The following BUB1B variants were observed in gnomAD, a reference collection of about 807,000 sequenced individuals.
The protein encoded by BUB1B is mitotic checkpoint serine/threonine-protein kinase BUB1 beta.
A neutral mutation model predicts 137.7 loss-of-function variants in BUB1B; 86 were observed. That is an observed-to-expected ratio of 0.62 (90% CI 0.52 to 0.75). BUB1B has a LOEUF of 0.75. Ranked by LOEUF, BUB1B falls within the 30% of genes least tolerant of loss-of-function variation. The probability of loss-of-function intolerance (pLI) is 0.00; values close to 1 mark genes in which losing one functional copy is unlikely to be tolerated. For missense variants in BUB1B, 1,130 were observed against 1,236.9 expected (o/e 0.91, Z 1.30); for synonymous variants, 420 against 417.9 (o/e 1.00, Z -0.06).
intron 2 of BUB1B, chr15:40,166,541 C>T (rs943871729): frequency 3.0e-5 from 8 of 267,384 alleles, no homozygotes; most frequent in African/African-American, 9.4e-5. Flanking sequence ...GGGGTTTCAC[C>T]GTGTTAGCCA....
In BUB1B at chr15:40,183,793, G is replaced by T; in HGVS notation, c.661G>T (p.Val221Leu). ...EEEEEVFESS[V>L]PQRSTLAELK... ...AGAGGAGGAAGTTTTTGAGTCTTCT[G>T]TACCACAACGAAGCACACTAGCTGA... Residue 221 changes from valine to leucine, a missense_variant, in exon 6 of 23, where the codon GTA becomes TTA. By Grantham distance (32) the Val-to-Leu change is conservative. Coordinates refer to ENST00000287598, the MANE Select transcript of BUB1B (RefSeq NM_001211.6). 6.2e-7 allele frequency: 1 copy of T among 1,614,072 alleles called. No individual in the cohort carries two copies.
intron 1 of BUB1B, among the ~76,000 whole-genome samples, chr15:40,164,690 G>A (rs1485902275): frequency 7.0e-6 from 1 of 143,178 alleles, no homozygotes; most frequent in African/African-American, 2.6e-5. Context: ...AAAGAAAGAG[G>A]CAGGGTCTTG....
At position 40,185,612 on chromosome 15, in the gene BUB1B, A is replaced by T. The variant is rs190909040; in HGVS notation, c.1028A>T (p.Tyr343Phe). 6.2e-7 allele frequency: 1 copy of T among 1,614,050 alleles called. No individual in the cohort carries two copies. The highest frequency in any genetic ancestry group is 2.2e-5 in the East Asian group (1 of 44,884). The change falls in exon 8 of 23, where the codon TAT (tyrosine) becomes TTT (phenylalanine). Residue 343 changes from tyrosine to phenylalanine, a missense_variant. Tyr to Phe is a conservative substitution (Grantham distance 22). Coordinates refer to ENST00000287598, the MANE Select transcript of BUB1B (RefSeq NM_001211.6). Reference protein sequence around the residue: ...VPAVLPSFTPYVEETARQPVM... With the variant: ...VPAVLPSFTPFVEETARQPVM... ...GCTGTGCTTCCCAGTTTCACTCCAT[A>T]TGTGGAAGAGACTGCACGACAGCCA...
intron 18 of BUB1B, among the ~76,000 whole-genome samples, chr15:40,211,129 C>A (rs1336816073): frequency 1.3e-5 from 2 of 152,024 alleles, no homozygotes; most frequent in African/African-American, 4.8e-5. Context: ...CTCCTATATT[C>A]TCTCTTTGTC....
intron 8 of BUB1B, among the ~76,000 whole-genome samples, chr15:40,192,613 G>A (rs2037450791): frequency 6.6e-6 from 1 of 151,828 alleles, no homozygotes; most frequent in Non-Finnish European, 1.5e-5. Context: ...TTATAGTTCT[G>A]CCCTTTCCAG....
chr15:40,184,382 G>C (rs1330998176), intron 6 of BUB1B, among the ~76,000 whole-genome samples: 2 of 151,282 alleles, frequency 1.3e-5, no homozygotes, highest in Non-Finnish European at 1.5e-5. Flanking sequence ...ATAGCTCACC[G>C]CAGCTTCAAA....
At chr15:40,209,980 T>G in intron 17 of BUB1B, 130 bp from the exon 18 acceptor site, 8 of 983,018 alleles carry the variant, frequency 8.1e-6, no homozygotes, top group Non-Finnish European at 1.2e-5. Flanking sequence ...ACAAATTATT[T>G]TTAAAAGTAT....
intron 8 of BUB1B, among the ~76,000 whole-genome samples, chr15:40,187,867 A>C (rs1176135950): frequency 2.6e-5 from 4 of 152,114 alleles, no homozygotes; most frequent in Admixed American, 2.6e-4. Flanking sequence ...GCACCACTGC[A>C]CTCTAGCCTG....
chr15:40,196,839 T>A, intron 9 of BUB1B, 65 bp downstream of exon 9: 1 of 1,446,980 alleles, frequency 6.9e-7, no homozygotes, highest in Non-Finnish European at 9.7e-7. Flanking sequence ...GCTGACCTAT[T>A]AAGTCTGAAG....
At chr15:40,193,148 C>G (rs539446981) in intron 8 of BUB1B, among the ~76,000 whole-genome samples, 7 of 152,334 alleles carry the variant, frequency 4.6e-5, no homozygotes, top group Non-Finnish European at 8.8e-5. Flanking sequence ...CCACACCCAG[C>G]CAGGTTTTGG....
chr15:40,169,148 G>T (rs1469038626), intron 2 of BUB1B, among the ~76,000 whole-genome samples: 2 of 151,880 alleles, frequency 1.3e-5, no homozygotes, highest in Non-Finnish European at 2.9e-5. Context: ...ATTCTAACTG[G>T]TCAGTCTTAA....
At chr15:40,197,907 A>G (rs1397758234) in intron 9 of BUB1B, among the ~76,000 whole-genome samples, 2 of 152,212 alleles carry the variant, frequency 1.3e-5, no homozygotes, top group East Asian at 1.9e-4. Context: ...GAAATAGGCT[A>G]GGAGGGTGGC....
At chr15:40,219,526 T>G (rs1204363907) in intron 22 of BUB1B, among the ~76,000 whole-genome samples, 2 of 152,104 alleles carry the variant, frequency 1.3e-5, no homozygotes, top group African/African-American at 4.8e-5. Flanking sequence ...GAGAGCAGCC[T>G]GGGCAACATG....
intron 9 of BUB1B, among the ~76,000 whole-genome samples, 165 bp from the exon 10 acceptor site, chr15:40,199,450 G>A (rs999956482): frequency 1.3e-5 from 2 of 152,126 alleles, no homozygotes; most frequent in African/African-American, 4.8e-5. Context: ...TTATTGAATG[G>A]ATAAAGAATA....
At chr15:40,173,295 TAAAAAAA>T (rs61078619) in intron 4 of BUB1B, among the ~76,000 whole-genome samples, 1 of 85,898 alleles carries the variant, frequency 1.2e-5, no homozygotes, top group African/African-American at 3.7e-5. Context: ...GAAAAAAAGA[TAAAAAAA>T]AAAAAAAAAA....
intron 5 of BUB1B, among the ~76,000 whole-genome samples, chr15:40,180,251 C>CTTTTTTTTTTT (rs34300396): frequency 4.9e-4 from 44 of 90,506 alleles, no homozygotes; most frequent in African/African-American, 1.7e-3. Flanking sequence ...CGTTTCGTTT[C>CTTTTTTTTTTT]TTTTTTTTTT....
intron 5 of BUB1B, among the ~76,000 whole-genome samples, chr15:40,181,788 A>T (rs1019192994): frequency 6.6e-6 from 1 of 152,188 alleles, no homozygotes; most frequent in East Asian, 1.9e-4. Flanking sequence ...GTATTTTTCA[A>T]TTCTAAAATT....
At chr15:40,208,557 T>C in intron 15 of BUB1B, 80 bp from the exon 16 acceptor site, 1 of 1,389,094 alleles carries the variant, frequency 7.2e-7, no homozygotes. Context: ...GAAAAATGTA[T>C]ACATTAAGAA....
At chr15:40,181,316 C>T (rs1417007463) in intron 5 of BUB1B, among the ~76,000 whole-genome samples, 1 of 151,990 alleles carries the variant, frequency 6.6e-6, no homozygotes, top group Non-Finnish European at 1.5e-5. Context: ...GTCTCCAACT[C>T]CCAATCTCAG....
Sources: allele counts gnomAD v4.1 joint callset (sites outside exome capture counted in the v4.1 genomes callset), GRCh38; gene constraint gnomAD v4.1.1; transcripts MANE v1.5; gene names NCBI Gene and HGNC (gene_info 2026-07-23, HGNC 2026-07-21).